ANKRD6: variants seen among roughly 807,000 people sequenced by gnomAD.
ANKRD6 encodes the protein ankyrin repeat domain-containing protein 6.
In ANKRD6, 56 loss-of-function variants were observed where a neutral mutation model predicts 82.3. The ratio of observed to expected loss-of-function variants is 0.68; its 90% confidence interval spans 0.55 to 0.85. ANKRD6 has a LOEUF of 0.85. ANKRD6 is among the 40% of genes least tolerant of loss of function. ANKRD6 has a pLI of 0.00. For synonymous variants in ANKRD6, 347 were observed against 352.1 expected (o/e 0.99, Z 0.16); for missense variants, 852 against 907.6 (o/e 0.94, Z 0.79).
intron 5 of ANKRD6, among the ~76,000 whole-genome samples, chr6:89,611,980 C>T (rs1166172534): frequency 6.6e-6 from 1 of 152,204 alleles, no homozygotes; most frequent in Non-Finnish European, 1.5e-5. Context: ...GGGTCATGCT[C>T]CATTTCCCAG....
chr6:89,486,497 T>C (rs1777393534), intron 1 of ANKRD6, among the ~76,000 whole-genome samples: 1 of 152,194 alleles, frequency 6.6e-6, no homozygotes, highest in Non-Finnish European at 1.5e-5. Context: ...TCTGTCTTAG[T>C]TCAGGCTGCT....
chr6:89,564,089 A>G (rs1787965335), intron 1 of ANKRD6, among the ~76,000 whole-genome samples: 1 of 152,178 alleles, frequency 6.6e-6, no homozygotes, highest in South Asian at 2.1e-4. Context: ...TAAATTGAAA[A>G]TGAGTTTGAG....
intron 1 of ANKRD6, among the ~76,000 whole-genome samples, chr6:89,555,963 A>G (rs1332572240): frequency 6.6e-6 from 1 of 152,196 alleles, no homozygotes; most frequent in African/African-American, 2.4e-5. Flanking sequence ...AATGGCTTTT[A>G]CATGCAAATT....
At chr6:89,466,310 A>G (rs1774839407) in intron 1 of ANKRD6, among the ~76,000 whole-genome samples, 1 of 152,180 alleles carries the variant, frequency 6.6e-6, no homozygotes, top group Non-Finnish European at 1.5e-5. Flanking sequence ...TTTGTACATT[A>G]ATTTCACACT....
intron 10 of ANKRD6, among the ~76,000 whole-genome samples, chr6:89,622,263 G>C (rs966332144): frequency 1.3e-5 from 2 of 152,202 alleles, no homozygotes; most frequent in Non-Finnish European, 2.9e-5. Flanking sequence ...CAGTACACGT[G>C]GGGGGCACAC....
chr6:89,564,544 G>A (rs1039975627), intron 1 of ANKRD6, among the ~76,000 whole-genome samples: 1 of 152,138 alleles, frequency 6.6e-6, no homozygotes, highest in Non-Finnish European at 1.5e-5. Context: ...CATGGGACTG[G>A]AGGGTGGGAG....
chr6:89,627,547 A>G, intron 13 of ANKRD6, 36 bp from the exon 14 acceptor site: 4 of 1,600,242 alleles, frequency 2.5e-6, no homozygotes, highest in Non-Finnish European at 3.4e-6. Flanking sequence ...CCCTGAGATC[A>G]TCTCAGTCTT....
At chr6:89,521,160 T>C (rs946011419) in intron 1 of ANKRD6, among the ~76,000 whole-genome samples, 1 of 152,208 alleles carries the variant, frequency 6.6e-6, no homozygotes, top group African/African-American at 2.4e-5. Flanking sequence ...GTATCTACCA[T>C]GTGTCAACCT....
At position 89,617,999 on chromosome 6, in the gene ANKRD6, G is replaced by C; in HGVS notation, c.760G>C (p.Glu254Gln). Residue 254 changes from glutamate to glutamine, a missense_variant, in exon 9 of 16, where the codon GAA (glutamate) becomes CAA (glutamine). Physicochemically the swap from Glu to Gln is conservative, Grantham distance 29. Transcript: ENST00000339746. Reference protein sequence around the residue: ...LETARYHNNPEVALLLTKAPQ... With the variant: ...LETARYHNNPQVALLLTKAPQ... ...GACTGCCCGCTACCACAATAACCCG[G>C]AAGTTGCTCTTCTCCTTACTAAAGC... 3 of 1,614,042 alleles carry C rather than the reference G, an allele frequency of 1.9e-6. No individual in the cohort carries two copies. Among genetic ancestry groups the C allele is most frequent in the Non-Finnish European group, 2.5e-6 (3 of 1,179,914 alleles).
chr6:89,612,204 G>T, intron 5 of ANKRD6, 68 bp from the exon 6 acceptor site: 1 of 1,421,662 alleles, frequency 7.0e-7, no homozygotes, highest in Non-Finnish European at 9.7e-7. Flanking sequence ...CTGCCCCTCT[G>T]CAAGGCATGC....
rs764302024 is a variant in ANKRD6, at chr6:89,567,101, CAA to C, written c.120+6_120+7del. 17 of 1,584,838 alleles carry C rather than the reference CAA, an allele frequency of 1.1e-5. No homozygotes were observed. In the African/African-American group the frequency reaches 1.1e-4, roughly 10 times the overall value. On this transcript the variant is annotated splice_donor_region_variant and intron_variant, in intron 2 of 15. Coordinates refer to ENST00000339746, the MANE Select transcript of ANKRD6 (RefSeq NM_001242809.2). The stretch of plus-strand genomic sequence containing the variant: ...GCCAGGGTAGCGGTTACCAAGGTAA[CAA>C]GAGAAAAATACGCTGTAGCCATTCC...
chr6:89,538,308 C>CTAA (rs1784091012), intron 1 of ANKRD6, among the ~76,000 whole-genome samples: 1 of 152,140 alleles, frequency 6.6e-6, no homozygotes, highest in Admixed American at 6.5e-5. Flanking sequence ...AAAGTGTGAT[C>CTAA]TAATGCTGGT....
chr6:89,526,871 G>T (rs1782558404), intron 1 of ANKRD6, among the ~76,000 whole-genome samples: 1 of 152,220 alleles, frequency 6.6e-6, no homozygotes. Flanking sequence ...CAACTGTCAG[G>T]CAGAGACTTC....
intron 1 of ANKRD6, among the ~76,000 whole-genome samples, chr6:89,491,965 G>A (rs954088521): frequency 1.3e-5 from 2 of 152,056 alleles, no homozygotes; most frequent in East Asian, 3.9e-4. Context: ...ATACTTCATC[G>A]CTCTCCACTT....
intron 1 of ANKRD6, among the ~76,000 whole-genome samples, chr6:89,563,924 G>C (rs377495316): frequency 4.6e-5 from 7 of 152,182 alleles, no homozygotes; most frequent in African/African-American, 1.7e-4. Context: ...ATCTCTGCTG[G>C]GCCTGCACCC....
At chr6:89,469,775 A>G (rs1197625337) in intron 1 of ANKRD6, among the ~76,000 whole-genome samples, 1 of 151,902 alleles carries the variant, frequency 6.6e-6, no homozygotes, top group Non-Finnish European at 1.5e-5. Flanking sequence ...GTAGGAACCA[A>G]CTCATCCATT....
Position 89,631,864 on chromosome 6 carries a change from T to TAA in ANKRD6, c.*861_*862dup, listed in dbSNP as rs1807470199. On this transcript the variant is annotated 3_prime_UTR_variant, in exon 16 of 16. Transcript: ENST00000339746. ...TTTGAGATTTTTGCTCTACATTTTA[T>TAA]AATGAATAAGGCTATTTTTTGAAAG... 6.6e-6 allele frequency: 1 copy of TAA among 152,254 alleles called. No homozygotes were observed. Among genetic ancestry groups the TAA allele is most frequent in the African/African-American group, 2.4e-5 (1 of 41,472 alleles). The allele number at this position is 152,254 out of a possible 1,614,324, so 9.4% of individuals were successfully genotyped here.
chr6:89,546,737 A>G (rs1413827850), intron 1 of ANKRD6, among the ~76,000 whole-genome samples: 2 of 152,184 alleles, frequency 1.3e-5, no homozygotes, highest in East Asian at 1.9e-4. Flanking sequence ...TGCTGGGATT[A>G]TAGGTATGAG....
chr6:89,579,004 TG>T (rs1791814178), intron 2 of ANKRD6, among the ~76,000 whole-genome samples: 1 of 152,148 alleles, frequency 6.6e-6, no homozygotes, highest in Non-Finnish European at 1.5e-5. Flanking sequence ...GTCTGCAGGG[TG>T]GCCCAAAGGG....
Sources: allele counts gnomAD v4.1 joint callset (sites outside exome capture counted in the v4.1 genomes callset), GRCh38; gene constraint gnomAD v4.1.1; transcripts MANE v1.5; gene names NCBI Gene and HGNC (gene_info 2026-07-23, HGNC 2026-07-21).